DNER: variants seen among roughly 807,000 people sequenced by gnomAD.
DNER encodes delta/notch like EGF repeat containing, also known as delta and Notch-like epidermal growth factor-related receptor.
DNER carries 33 observed loss-of-function variants against 78.2 expected under a neutral mutation model. The observed-to-expected ratio is 0.42, with a 90% CI of 0.32 to 0.56. The LOEUF is 0.56. DNER is among the 20% of genes least tolerant of loss of function. The pLI, the probability that DNER is intolerant of heterozygous loss-of-function variation, is 0.11. For synonymous variants in DNER, 417 were observed against 384.8 expected, an observed-to-expected ratio of 1.08 and a Z score of -0.98; for missense variants, 918 against 975.3, an observed-to-expected ratio of 0.94 and a Z score of 0.78.
At position 229,646,172 on chromosome 2, in the gene DNER, G is replaced by A. The variant is rs537837178; in HGVS notation, c.277-54284C>T. ...AAATAAAACCAGAGGTTATGCATCCGGTAATCCTGTCCCGAGTGTGATTAT... is the reference window on the plus strand; with the variant it reads ...AAATAAAACCAGAGGTTATGCATCCAGTAATCCTGTCCCGAGTGTGATTAT... On this transcript the variant is annotated intron_variant, in intron 1 of 12. Transcript: ENST00000341772. Among the ~76,000 whole-genome samples, 8 of 152,228 alleles carry A rather than the reference G, an allele frequency of 5.3e-5. No individual in the cohort carries two copies. The East Asian group carries it at 1.4e-3, about 26-fold the overall frequency.
intron 5 of DNER, among the ~76,000 whole-genome samples, chr2:229,522,097 A>G (rs945167493): frequency 1.3e-5 from 2 of 152,128 alleles, no homozygotes; most frequent in African/African-American, 4.8e-5. Flanking sequence ...TCATGAATTC[A>G]TGGAATTCAT....
At chr2:229,513,906 C>T (rs75603879) in intron 5 of DNER, among the ~76,000 whole-genome samples, 78 of 152,182 alleles carry the variant, frequency 5.1e-4, no homozygotes, top group African/African-American at 1.8e-3. Context: ...TCCCTGTCCT[C>T]AGCCTCCCGC....
chr2:229,518,830 A>G (rs1223268373), intron 5 of DNER, among the ~76,000 whole-genome samples: 1 of 152,246 alleles, frequency 6.6e-6, no homozygotes, highest in African/African-American at 2.4e-5. Flanking sequence ...TATACCATAT[A>G]TCACTTCGTG....
intron 11 of DNER, among the ~76,000 whole-genome samples, chr2:229,377,544 T>G (rs1692636498): frequency 6.6e-6 from 1 of 152,244 alleles, no homozygotes; most frequent in Admixed American, 6.5e-5. Context: ...GTTCTGTTAA[T>G]TTCCAGAACT....
At chr2:229,710,727 C>T (rs1699898458) in intron 1 of DNER, among the ~76,000 whole-genome samples, 1 of 151,982 alleles carries the variant, frequency 6.6e-6, no homozygotes, top group South Asian at 2.1e-4. Context: ...ATTAGTCACT[C>T]AATCAAAATG....
chr2:229,713,983 G>A (rs1273031721), intron 1 of DNER, among the ~76,000 whole-genome samples, 165 bp downstream of exon 1: 3 of 152,288 alleles, frequency 2.0e-5, no homozygotes, highest in South Asian at 2.1e-4. Flanking sequence ...GGGTCGGCCC[G>A]GGGGTCCGCG....
intron 1 of DNER, among the ~76,000 whole-genome samples, chr2:229,685,778 A>T (rs974398878): frequency 1.3e-5 from 2 of 152,248 alleles, no homozygotes; most frequent in Non-Finnish European, 2.9e-5. Flanking sequence ...AACTGGGAAC[A>T]TACTAGACAA....
intron 4 of DNER, among the ~76,000 whole-genome samples, chr2:229,570,549 C>T (rs1217465674): frequency 6.6e-6 from 1 of 151,884 alleles, no homozygotes; most frequent in African/African-American, 2.4e-5. Flanking sequence ...ATCCTTTGAA[C>T]CTGGGAGGCA....
chr2:229,693,909 G>GA (rs1293336575), intron 1 of DNER, among the ~76,000 whole-genome samples: 1 of 152,198 alleles, frequency 6.6e-6, no homozygotes, highest in Non-Finnish European at 1.5e-5. Flanking sequence ...AAAACAATGG[G>GA]AAAAATGTCT....
chr2:229,594,952 T>TAAA (rs200824543), intron 1 of DNER, among the ~76,000 whole-genome samples: 1 of 102,688 alleles, frequency 9.7e-6, no homozygotes, highest in African/African-American at 3.4e-5. Context: ...AAATGCTGTT[T>TAAA]AAAAAAAAAA....
chr2:229,610,083 A>T (rs2154215143), intron 1 of DNER, among the ~76,000 whole-genome samples: 1 of 152,322 alleles, frequency 6.6e-6, no homozygotes, highest in Non-Finnish European at 1.5e-5. Flanking sequence ...GTTCTGTTTG[A>T]CGTAAAATAT....
chr2:229,614,208 A>G, intron 1 of DNER, among the ~76,000 whole-genome samples: 1 of 151,618 alleles, frequency 6.6e-6, no homozygotes, highest in Admixed American at 6.6e-5. Context: ...AAATAATAAT[A>G]ATAAAATAAA....
intron 1 of DNER, among the ~76,000 whole-genome samples, chr2:229,697,682 T>C (rs1384742789): frequency 6.6e-6 from 1 of 152,196 alleles, no homozygotes; most frequent in Non-Finnish European, 1.5e-5. Flanking sequence ...GTCAGAGGCC[T>C]AAGAATAGAA....
chr2:229,664,646 A>G (rs1699059471), intron 1 of DNER, among the ~76,000 whole-genome samples: 2 of 152,204 alleles, frequency 1.3e-5, no homozygotes, highest in African/African-American at 4.8e-5. Context: ...TTCCCTGGAT[A>G]AGTAAACTGA....
intron 1 of DNER, among the ~76,000 whole-genome samples, chr2:229,616,466 T>C (rs977704112): frequency 6.6e-6 from 1 of 152,178 alleles, no homozygotes; most frequent in Non-Finnish European, 1.5e-5. Context: ...AGGGTGATGA[T>C]AACAAGAGAG....
rs562734814 is a variant in DNER at position 229,619,783 on chromosome 2, T to C, written c.277-27895A>G. ...GCTAGGTAAAGGAGCTGGTACTATA[T>C]TTTAAATAATTAAATAATAGTGAAT... On this transcript the variant is annotated intron_variant, in intron 1 of 12. Transcript: ENST00000341772. Among the ~76,000 whole-genome samples, 27 of 152,340 alleles carry C rather than the reference T, an allele frequency of 1.8e-4. No homozygotes were observed. In the South Asian group the frequency reaches 3.1e-3, roughly 18 times the overall value.
At chr2:229,673,316 G>A (rs1699242435) in intron 1 of DNER, among the ~76,000 whole-genome samples, 1 of 152,042 alleles carries the variant, frequency 6.6e-6, no homozygotes, top group Non-Finnish European at 1.5e-5. Flanking sequence ...ATGCAGTTAG[G>A]TCCACTACAG....
intron 4 of DNER, among the ~76,000 whole-genome samples, chr2:229,579,426 A>G (rs766670488): frequency 7.9e-5 from 12 of 152,210 alleles, no homozygotes; most frequent in Non-Finnish European, 1.6e-4. Context: ...AAATATAAAT[A>G]AATAATTTAA....
intron 1 of DNER, among the ~76,000 whole-genome samples, chr2:229,633,791 C>T (rs1378442149): frequency 6.6e-6 from 1 of 152,198 alleles, no homozygotes; most frequent in Admixed American, 6.5e-5. Context: ...TAAGAGCATC[C>T]ACATCCAAGA....
Sources: allele counts gnomAD v4.1 joint callset (sites outside exome capture counted in the v4.1 genomes callset), GRCh38; gene constraint gnomAD v4.1.1; transcripts MANE v1.5; gene names NCBI Gene and HGNC (gene_info 2026-07-23, HGNC 2026-07-21).